The following CCND2 variants were observed in gnomAD, a reference collection of about 807,000 sequenced individuals.
CCND2 encodes the protein G1/S-specific cyclin-D2.
CCND2 carries 6 observed loss-of-function variants against 30.2 expected under a neutral mutation model. The observed-to-expected ratio is 0.20, with a 90% CI of 0.11 to 0.39. The LOEUF is 0.39. Among genes scored for constraint, CCND2 ranks in the 10% least tolerant of loss-of-function variants. The probability of loss-of-function intolerance (pLI) is 1.00; values close to 1 mark genes in which losing one functional copy is unlikely to be tolerated. For synonymous variants in CCND2, 150 were observed against 153.1 expected (o/e 0.98, Z 0.15); for missense variants, 235 against 373.4 (o/e 0.63, Z 3.06).
At position 4,285,937 on chromosome 12, in the gene CCND2, G is replaced by A. The variant is rs1016006776; in HGVS notation, c.572-2905G>A. Among the ~76,000 whole-genome samples the A allele has an allele frequency of 2.0e-5, 3 of 152,144 alleles. No individual in the cohort carries two copies. The highest frequency in any genetic ancestry group is 1.9e-4 in the East Asian group (1 of 5,196). ...GTGAATTTGCCGGCTGGTAGACACC[G>A]TGATCCATTCTATTGTCTCCTCATT... On this transcript the variant is annotated intron_variant, in intron 3 of 4. Transcript: ENST00000261254. The surrounding 1 kb of genome is among the most constrained non-coding windows in gnomAD (Gnocchi z 4.1).
At chr12:4,295,582 G>C (rs1322700985) in intron 4 of CCND2, among the ~76,000 whole-genome samples, 1 of 152,188 alleles carries the variant, frequency 6.6e-6, no homozygotes, top group Non-Finnish European at 1.5e-5. Flanking sequence ...TTCGAGACCA[G>C]CCTGACCAAT....
chr12:4,292,236 C>T (rs1160029425), intron 4 of CCND2, among the ~76,000 whole-genome samples: 1 of 151,996 alleles, frequency 6.6e-6, no homozygotes, highest in Non-Finnish European at 1.5e-5. Context: ...ATGAAATGCC[C>T]ATAGGTTGAT....
At chr12:4,278,392 GACCTTGGCC>G in intron 2 of CCND2, among the ~76,000 whole-genome samples, 1 of 152,246 alleles carries the variant, frequency 6.6e-6, no homozygotes, top group Middle Eastern at 3.4e-3. Context: ...GGGCCACAAT[GACCTTGGCC>G]GTATCTCATT....
At chr12:4,294,153 A>T (rs1190118428) in intron 4 of CCND2, among the ~76,000 whole-genome samples, 1 of 152,030 alleles carries the variant, frequency 6.6e-6, no homozygotes, top group Admixed American at 6.5e-5. Flanking sequence ...CAGCCCATTC[A>T]TGGAGGCAGA....
At chr12:4,280,745 T>C (rs1299886474) in intron 3 of CCND2, among the ~76,000 whole-genome samples, 1 of 152,226 alleles carries the variant, frequency 6.6e-6, no homozygotes, top group Non-Finnish European at 1.5e-5. Context: ...CCCCCGACCC[T>C]AAACTCCCCC....
At chr12:4,278,657 T>C in intron 2 of CCND2, 103 bp from the exon 3 acceptor site, 1 of 1,119,884 alleles carries the variant, frequency 8.9e-7, no homozygotes, top group Admixed American at 2.2e-5. Flanking sequence ...CACGTCCTAA[T>C]GAGCGGCCTT....
rs1364952297 is a variant in CCND2 at position 4,274,741 on chromosome 12, C to A, written c.195+506C>A. 6.6e-6 allele frequency among the ~76,000 whole-genome samples: 1 copy of A among 152,154 alleles called. No homozygotes were observed. The highest frequency in any genetic ancestry group is 2.4e-5 in the African/African-American group (1 of 41,440). ...GAGGGAGGAGGGAGAAGGAGAGAAACGGGGAATTCGGGAGCCCCGGAAGTC... is the reference window on the plus strand; with the variant it reads ...GAGGGAGGAGGGAGAAGGAGAGAAAAGGGGAATTCGGGAGCCCCGGAAGTC... On this transcript the variant is annotated intron_variant, in intron 1 of 4. Coordinates refer to ENST00000261254, the MANE Select transcript of CCND2 (RefSeq NM_001759.4). The surrounding 1 kb of genome is among the most constrained non-coding windows in gnomAD (Gnocchi z 7.7).
At chr12:4,286,168 C>T (rs554312344) in intron 3 of CCND2, among the ~76,000 whole-genome samples, 3 of 152,204 alleles carry the variant, frequency 2.0e-5, no homozygotes, top group Admixed American at 6.5e-5. Flanking sequence ...AATATTTACT[C>T]TTAACGACAT....
At position 4,282,224 on chromosome 12, in the gene CCND2, C is replaced by T. The variant is rs915660310; in HGVS notation, c.571+3305C>T. Among the ~76,000 whole-genome samples the T allele has an allele frequency of 6.6e-5, 10 of 152,086 alleles. No individual in the cohort carries two copies. The highest frequency in any genetic ancestry group is 4.4e-5 in the Non-Finnish European group (3 of 68,004). On this transcript the variant is annotated intron_variant, in intron 3 of 4. Transcript: ENST00000261254. This position sits in a 1 kb window ranked among gnomAD's most constrained non-coding sequence, Gnocchi z 4.3. ...ATGGCATTGAGTTTACACCTGGCAC[C>T]GGGTAGGGGGAGGTGCTCACCCTCC... is the stretch of plus-strand genomic sequence containing the variant.
chr12:4,280,166 T>C (rs973287636), intron 3 of CCND2, among the ~76,000 whole-genome samples: 2 of 152,214 alleles, frequency 1.3e-5, no homozygotes, highest in African/African-American at 4.8e-5. Flanking sequence ...CAGAAAGAGG[T>C]GATGCACGTG....
intron 2 of CCND2, 47 bp from the exon 3 acceptor site, chr12:4,278,713 C>T (rs748287474): frequency 2.4e-5 from 38 of 1,600,454 alleles, no homozygotes; most frequent in Non-Finnish European, 3.2e-5. Flanking sequence ...ACCAGGTCAG[C>T]CTGTGGAATT....
In CCND2 at chr12:4,276,241, C is replaced by G. The variant is rs769997869; in HGVS notation, c.411+21C>G. 1 of 1,599,934 alleles carries G rather than the reference C, an allele frequency of 6.3e-7. No individual in the cohort carries two copies. The highest frequency in any genetic ancestry group is 1.7e-5 in the Admixed American group (1 of 59,558). ...TGCTGGTAATGACCGGCCCCTTCCT[C>G]CCTTCCTTTCTGCGATTCCCGCTTT... On this transcript the variant is annotated intron_variant, in intron 2 of 4. Coordinates refer to ENST00000261254, the MANE Select transcript of CCND2 (RefSeq NM_001759.4). The surrounding 1 kb of genome is among the most constrained non-coding windows in gnomAD (Gnocchi z 4.8).
chr12:4,297,570 CAAAAAAAAA>C (rs71061177), intron 4 of CCND2, among the ~76,000 whole-genome samples: 6 of 74,752 alleles, frequency 8.0e-5, no homozygotes, highest in South Asian at 5.3e-4. Context: ...CACTCTGTCT[CAAAAAAAAA>C]AAAAAAAAAA....
chr12:4,280,735 C>T (rs1442750439), intron 3 of CCND2, among the ~76,000 whole-genome samples: 3 of 152,302 alleles, frequency 2.0e-5, no homozygotes, highest in Admixed American at 6.5e-5. Context: ...GGACAGCTGA[C>T]CCCCGACCCT....
intron 4 of CCND2, among the ~76,000 whole-genome samples, chr12:4,297,493 C>A (rs1318723071): frequency 6.8e-6 from 1 of 147,306 alleles, no homozygotes; most frequent in Non-Finnish European, 1.5e-5. Flanking sequence ...ATTGCTTGAA[C>A]CCGAGAGGTG....
At chr12:4,286,479 C>T (rs1055323233) in intron 3 of CCND2, among the ~76,000 whole-genome samples, 3 of 152,146 alleles carry the variant, frequency 2.0e-5, no homozygotes, top group East Asian at 3.9e-4. Context: ...GGAAGATGCT[C>T]GTCTTCTGTG....
chr12:4,300,036 G>C lies in CCND2; in HGVS notation c.*27G>C, dbSNP rs746875633. 1 of 1,604,246 alleles carries C rather than the reference G, an allele frequency of 6.2e-7. No individual in the cohort carries two copies. Among genetic ancestry groups the C allele is most frequent in the Admixed American group, 1.7e-5 (1 of 59,124 alleles). On this transcript the variant is annotated 3_prime_UTR_variant, in exon 5 of 5. Coordinates refer to ENST00000261254, the MANE Select transcript of CCND2 (RefSeq NM_001759.4). ...GATGCCAGTTGGGCCGAAAGAGAGA[G>C]ACGCGTCCATAATCTGGTCTCTTCT...
chr12:4,274,085 G>A lies in CCND2; in HGVS notation c.45G>A (p.Val15=), dbSNP rs1301716232. ...AGGTGGACCCGGTCCGCAGGGCCGT[G>A]CGGGACCGCAACCTGCTCCGAGACG... is the stretch of plus-strand genomic sequence containing the variant. The part of the protein sequence containing the change: ...CHEVDPVRRA[V]RDRNLLRDDR... The change falls in exon 1 of 5, where the codon GTG becomes GTA. Residue 15 remains valine, a synonymous_variant. Transcript: ENST00000261254. This position sits in a 1 kb window ranked among gnomAD's most constrained non-coding sequence, Gnocchi z 7.7. The A allele has an allele frequency of 6.2e-7, 1 of 1,613,598 alleles. No homozygotes were observed. Among genetic ancestry groups the A allele is most frequent in the Non-Finnish European group, 8.5e-7 (1 of 1,179,864 alleles).
rs1436759368 is a variant in CCND2, at chr12:4,301,279, A to G, written c.*1270A>G. On this transcript the variant is annotated 3_prime_UTR_variant, in exon 5 of 5. Transcript: ENST00000261254. Reference sequence around the variant, plus strand: ...CCATCTCTATACTTCTCCTTTGGACATGGAAAGAAAAGTTATTGCTGGTGC... The same window carrying G: ...CCATCTCTATACTTCTCCTTTGGACGTGGAAAGAAAAGTTATTGCTGGTGC... 4 of 233,474 alleles carry G rather than the reference A, an allele frequency of 1.7e-5. No homozygotes were observed. Among genetic ancestry groups the G allele is most frequent in the African/African-American group, 4.4e-5 (2 of 45,320 alleles). The allele number at this position is 233,474 out of a possible 1,614,324, so 14.5% of individuals were successfully genotyped here.
Sources: gnomAD v4.1 joint callset for allele counts (sites outside exome capture counted in the v4.1 genomes callset) on GRCh38, gnomAD v4.1.1 for gene constraint, Gnocchi (gnomAD v3.1) non-coding constraint, MANE v1.5 for transcripts, NCBI Gene and HGNC (gene_info 2026-07-23, HGNC 2026-07-21) for gene names.